TRIM2: variants seen among roughly 807,000 people sequenced by gnomAD.
TRIM2 encodes the protein tripartite motif-containing protein 2.
Under a neutral mutation model 75.2 loss-of-function variants are expected in TRIM2, and 20 were observed. The observed-to-expected ratio is 0.27, with a 90% CI of 0.19 to 0.39. The LOEUF (loss-of-function observed/expected upper bound fraction) is 0.39, where lower values mean the gene tolerates loss of function less well. Ranked by LOEUF, TRIM2 falls within the 10% of genes least tolerant of loss-of-function variation. TRIM2 has a pLI of 1.00. For missense variants in TRIM2, 660 were observed against 990.8 expected, an observed-to-expected ratio of 0.67 and a Z score of 4.48; for synonymous variants, 373 against 388.3, an observed-to-expected ratio of 0.96 and a Z score of 0.46.
chr4:153,161,159 T>G (rs1254416756), intron 1 of TRIM2, among the ~76,000 whole-genome samples: 1 of 152,230 alleles, frequency 6.6e-6, no homozygotes, highest in Non-Finnish European at 1.5e-5. Context: ...TAAAATAGCT[T>G]GTTTGTTCTA....
chr4:153,172,278 C>T (rs1176195290), intron 1 of TRIM2, among the ~76,000 whole-genome samples: 3 of 152,140 alleles, frequency 2.0e-5, no homozygotes, highest in African/African-American at 7.2e-5. Flanking sequence ...AGCTCCACCT[C>T]CTGGGTTCAC....
At chr4:153,213,630 C>T (rs1737682796) in intron 1 of TRIM2, among the ~76,000 whole-genome samples, 1 of 152,188 alleles carries the variant, frequency 6.6e-6, no homozygotes, top group Admixed American at 6.5e-5. Flanking sequence ...CGAGTTCAAG[C>T]AATTCTCCTG....
chr4:153,162,714 G>A (rs569735675), intron 1 of TRIM2, among the ~76,000 whole-genome samples: 1 of 152,350 alleles, frequency 6.6e-6, no homozygotes, highest in East Asian at 1.9e-4. Context: ...AACTGTGGCA[G>A]AGCAAGTGGA....
intron 2 of TRIM2, among the ~76,000 whole-genome samples, chr4:153,275,674 A>G (rs1258524833): frequency 6.6e-6 from 1 of 152,248 alleles, no homozygotes; most frequent in Non-Finnish European, 1.5e-5. Context: ...ACACTACAAA[A>G]GTCAATGACA....
chr4:153,203,210 T>G (rs1172032370), upstream of TRIM2, among the ~76,000 whole-genome samples: 1 of 152,020 alleles, frequency 6.6e-6, no homozygotes, highest in Non-Finnish European at 1.5e-5. Flanking sequence ...TCTGATATGT[T>G]TGATCAAATG....
At chr4:153,313,069 T>C (rs1351618807) in intron 6 of TRIM2, among the ~76,000 whole-genome samples, 2 of 152,152 alleles carry the variant, frequency 1.3e-5, no homozygotes, top group Admixed American at 6.5e-5. Flanking sequence ...TTAACTTACA[T>C]GTGGGAAACA....
intron 1 of TRIM2, among the ~76,000 whole-genome samples, chr4:153,260,244 G>A (rs1579074517): frequency 6.6e-6 from 1 of 151,962 alleles, no homozygotes; most frequent in Admixed American, 6.6e-5. Flanking sequence ...GCCTCTTTGT[G>A]TAGTCCCCAA....
At chr4:153,291,316 TTACA>T (rs1761803928) in intron 3 of TRIM2, among the ~76,000 whole-genome samples, 1 of 152,212 alleles carries the variant, frequency 6.6e-6, no homozygotes, top group African/African-American at 2.4e-5. Flanking sequence ...TTGGTTGGTC[TTACA>T]CATGCCACCC....
rs1419117389 is a variant in TRIM2 at position 153,248,536 on chromosome 4, T to C, written c.31-21799T>C. Among the ~76,000 whole-genome samples the C allele has an allele frequency of 6.6e-6, 1 of 152,220 alleles. No individual in the cohort carries two copies. Among genetic ancestry groups the C allele is most frequent in the Non-Finnish European group, 1.5e-5 (1 of 68,044 alleles). ...ACTTACTGTGTGTTAGGCATGGGGC[T>C]GACAGTGACACACTGGATCATTTAA... On this transcript the variant is annotated intron_variant, in intron 1 of 11. Transcript: ENST00000338700. The surrounding 1 kb of genome is among the most constrained non-coding windows in gnomAD (Gnocchi z 4.0).
At chr4:153,250,604 A>G (rs72727877) in intron 1 of TRIM2, among the ~76,000 whole-genome samples, 12,906 of 152,278 alleles carry the variant, frequency 0.085, 719 homozygotes, top group Middle Eastern at 0.13. Context: ...TTTATGTCCA[A>G]TATGAGTCAA....
chr4:153,329,711 C>A (rs1771031745), intron 11 of TRIM2, among the ~76,000 whole-genome samples: 1 of 151,948 alleles, frequency 6.6e-6, no homozygotes, highest in Non-Finnish European at 1.5e-5. Context: ...GTGGCAGGCG[C>A]CTGCAAGCCC....
chr4:153,175,084 G>A (rs113047729), intron 1 of TRIM2, among the ~76,000 whole-genome samples: 1,675 of 151,878 alleles, frequency 0.011, 33 homozygotes, highest in African/African-American at 0.038. Context: ...ATCTCGGCTC[G>A]CTGCAACCTC....
chr4:153,292,546 C>A (rs1179557343), intron 3 of TRIM2, among the ~76,000 whole-genome samples: 1 of 152,200 alleles, frequency 6.6e-6, no homozygotes, highest in Non-Finnish European at 1.5e-5. Flanking sequence ...CAGCCTTGGC[C>A]TCCCAAAGTG....
intron 10 of TRIM2, among the ~76,000 whole-genome samples, chr4:153,325,675 C>A (rs1302237878): frequency 6.6e-6 from 1 of 152,148 alleles, no homozygotes; most frequent in Non-Finnish European, 1.5e-5. Context: ...AGAAGGAAAC[C>A]CATATGAGAT....
At chr4:153,320,926 C>A (rs1768820383) in intron 8 of TRIM2, among the ~76,000 whole-genome samples, 1 of 152,194 alleles carries the variant, frequency 6.6e-6, no homozygotes, top group Non-Finnish European at 1.5e-5. Context: ...GCCACCGCGC[C>A]CGGCGAAGAG....
chr4:153,205,940 T>TG (rs770614644), intron 1 of TRIM2, among the ~76,000 whole-genome samples: 3 of 152,122 alleles, frequency 2.0e-5, no homozygotes, highest in Non-Finnish European at 2.9e-5. Context: ...GAGGGATGAG[T>TG]CACCCCACGA....
chr4:153,189,078 T>C (rs1189146737), intron 1 of TRIM2, among the ~76,000 whole-genome samples: 3 of 152,118 alleles, frequency 2.0e-5, no homozygotes, highest in Non-Finnish European at 4.4e-5. Context: ...CTCGAACTCC[T>C]GGGCTCAAGC....
intron 1 of TRIM2, among the ~76,000 whole-genome samples, chr4:153,269,407 G>A (rs527375200): frequency 3.3e-5 from 5 of 152,230 alleles, no homozygotes; most frequent in African/African-American, 1.2e-4. Context: ...TCCTGGCTCT[G>A]GAGAGAGAGG....
At chr4:153,233,728 C>A (rs934875870) in intron 1 of TRIM2, among the ~76,000 whole-genome samples, 3 of 152,106 alleles carry the variant, frequency 2.0e-5, no homozygotes, top group African/African-American at 7.2e-5. Context: ...AGGAACATTT[C>A]CTCTCTTCCT....
Sources: gnomAD v4.1 joint callset for allele counts (sites outside exome capture counted in the v4.1 genomes callset) on GRCh38, gnomAD v4.1.1 for gene constraint, Gnocchi (gnomAD v3.1) non-coding constraint, MANE v1.5 for transcripts, NCBI Gene and HGNC (gene_info 2026-07-23, HGNC 2026-07-21) for gene names.